The following ERC1 variants were observed in gnomAD, a reference collection of about 807,000 sequenced individuals.
ERC1 encodes the protein RAB6 interacting protein 2.
In ERC1, 56 loss-of-function variants were observed where a neutral mutation model predicts 132.0. That is an observed-to-expected ratio of 0.42 (90% CI 0.34 to 0.53). The LOEUF (loss-of-function observed/expected upper bound fraction) is 0.53, where lower values mean the gene tolerates loss of function less well. Ranked by LOEUF, ERC1 falls within the 20% of genes least tolerant of loss-of-function variation. ERC1 has a pLI of 0.03. For synonymous variants in ERC1, 478 were observed against 476.1 expected (o/e 1.00, Z -0.05); for missense variants, 1,202 against 1,349.9 (o/e 0.89, Z 1.72).
intron 13 of ERC1, among the ~76,000 whole-genome samples, chr12:1,244,359 G>T (rs1023826605): frequency 2.0e-5 from 3 of 152,030 alleles, no homozygotes; most frequent in Admixed American, 6.5e-5. Flanking sequence ...GTGATCTCTT[G>T]ATGTTTTCAT....
chr12:1,315,981 T>C (rs2081675113), intron 15 of ERC1, among the ~76,000 whole-genome samples: 1 of 151,800 alleles, frequency 6.6e-6, no homozygotes, highest in African/African-American at 2.4e-5. Context: ...AAGCTCCACC[T>C]CCAGTGAGCC....
intron 1 of ERC1, among the ~76,000 whole-genome samples, chr12:1,000,487 G>GA (rs10716503): frequency 0.08 from 10,467 of 130,462 alleles, 789 homozygotes; most frequent in African/African-American, 0.21. Context: ...CCCTGTCTCA[G>GA]AAAAAAAAAA....
chr12:1,124,495 C>A (rs75947548), intron 7 of ERC1, among the ~76,000 whole-genome samples: 2,095 of 152,070 alleles, frequency 0.014, 52 homozygotes, highest in African/African-American at 0.045. Flanking sequence ...AGAAAAAAAT[C>A]TGTGGGGTGT....
chr12:1,424,853 G>GCT (rs1337705406), intron 17 of ERC1, among the ~76,000 whole-genome samples: 9 of 120,056 alleles, frequency 7.5e-5, no homozygotes, highest in African/African-American at 3.9e-4. Flanking sequence ...ATGATAGATA[G>GCT]ATAGATAGAT....
chr12:1,199,347 A>G (rs573795688), intron 12 of ERC1, among the ~76,000 whole-genome samples: 1 of 152,384 alleles, frequency 6.6e-6, no homozygotes, highest in Non-Finnish European at 1.5e-5. Context: ...ATCTGGAACT[A>G]TTAGCTCTTG....
intron 16 of ERC1, among the ~76,000 whole-genome samples, chr12:1,397,600 CAT>C (rs1306514541): frequency 5.9e-5 from 9 of 152,164 alleles, no homozygotes; most frequent in South Asian, 2.1e-4. Flanking sequence ...AAAGGGGGAA[CAT>C]GTGCAATTAT....
chr12:1,424,840 TAGATGATAGATAGATAGATAGATC>T (rs1365069323), intron 17 of ERC1, among the ~76,000 whole-genome samples: 1,360 of 115,210 alleles, frequency 0.012, 8 homozygotes, highest in African/African-American at 0.025. Context: ...GATAGATAGA[TAGATGATAGATAGATAGATAGATC>T]GATAGATAGA....
chr12:1,137,074 T>C (rs1949315788), intron 7 of ERC1, among the ~76,000 whole-genome samples: 1 of 151,284 alleles, frequency 6.6e-6, no homozygotes, highest in South Asian at 2.1e-4. Context: ...CTTTTTTCTT[T>C]TTCTTTTTCT....
intron 2 of ERC1, among the ~76,000 whole-genome samples, chr12:1,032,258 C>T (rs1185929380): frequency 1.3e-5 from 2 of 152,082 alleles, no homozygotes; most frequent in Non-Finnish European, 2.9e-5. Context: ...ACCATGTTGG[C>T]CAGGCTGGTC....
At chr12:1,189,618 A>G (rs548879247) in intron 11 of ERC1, among the ~76,000 whole-genome samples, 1 of 152,342 alleles carries the variant, frequency 6.6e-6, no homozygotes, top group East Asian at 1.9e-4. Context: ...TTGATTTAAT[A>G]ATATTCAGAG....
intron 17 of ERC1, among the ~76,000 whole-genome samples, chr12:1,412,935 T>G (rs2091925271): frequency 6.6e-6 from 1 of 152,202 alleles, no homozygotes; most frequent in African/African-American, 2.4e-5. Context: ...TCCAGTGCCC[T>G]CATTTTATAG....
chr12:1,012,501 T>C (rs1227578326), intron 1 of ERC1, among the ~76,000 whole-genome samples: 1 of 141,492 alleles, frequency 7.1e-6, no homozygotes, highest in Non-Finnish European at 1.5e-5. Context: ...TGAGACAGAG[T>C]CTTGCTCTGT....
intron 15 of ERC1, among the ~76,000 whole-genome samples, chr12:1,343,791 T>C (rs890154739): frequency 6.6e-6 from 1 of 152,226 alleles, no homozygotes; most frequent in African/African-American, 2.4e-5. Flanking sequence ...GCCAGTATGC[T>C]GAAATAAGGT....
chr12:1,469,426 C>T (rs890550201), intron 18 of ERC1, among the ~76,000 whole-genome samples: 5 of 152,166 alleles, frequency 3.3e-5, no homozygotes, highest in South Asian at 4.1e-4. Context: ...TTGGCTCCTT[C>T]GGAGGGGTGG....
chr12:1,139,584 A>G (rs901165822), intron 7 of ERC1, among the ~76,000 whole-genome samples: 1 of 152,190 alleles, frequency 6.6e-6, no homozygotes, highest in Non-Finnish European at 1.5e-5. Flanking sequence ...GTCTTGGATT[A>G]TATTCTTCGA....
At position 1,121,711 on chromosome 12, in the gene ERC1, G is replaced by GTCTCTA. The variant is rs1256113451; in HGVS notation, c.1569+5706_1569+5711dup. ...TATCTCTATCTCTATCTCTATCTGT[G>GTCTCTA]TCTCTATCTCTATCTCTATCTCTAT... On this transcript the variant is annotated intron_variant, in intron 7 of 18. Transcript: ENST00000360905. 6.4e-4 allele frequency among the ~76,000 whole-genome samples: 26 copies of GTCTCTA among 40,526 alleles called. 5 individuals carry two copies. The highest frequency in any genetic ancestry group is 2.2e-3 in the African/African-American group (23 of 10,440). 26.6% of individuals were successfully genotyped at this position (40,526 alleles called of 152,430 possible).
chr12:1,186,682 GA>G (rs1955129873), intron 11 of ERC1, among the ~76,000 whole-genome samples: 3 of 152,286 alleles, frequency 2.0e-5, no homozygotes, highest in African/African-American at 7.2e-5. Flanking sequence ...TAATGGGTAA[GA>G]AAGGGGAGAA....
chr12:1,164,332 T>G (rs575004268), intron 8 of ERC1, among the ~76,000 whole-genome samples: 2 of 144,028 alleles, frequency 1.4e-5, no homozygotes, highest in African/African-American at 5.0e-5. Flanking sequence ...GTTATTTTAT[T>G]TTATGTTATT....
chr12:999,328 A>G (rs1165524303), intron 1 of ERC1, among the ~76,000 whole-genome samples: 1 of 152,110 alleles, frequency 6.6e-6, no homozygotes. Flanking sequence ...TCGAATTGCT[A>G]CTGAATGTTT....
Sources: gnomAD v4.1 joint callset for allele counts (sites outside exome capture counted in the v4.1 genomes callset) on GRCh38, gnomAD v4.1.1 for gene constraint, MANE v1.5 for transcripts, NCBI Gene and HGNC (gene_info 2026-07-23, HGNC 2026-07-21) for gene names.